Variants in SPATA16 observed in about 807,000 individuals in gnomAD.
SPATA16 encodes spermatogenesis associated 16, also known as spermatogenesis-associated protein 16.
A neutral mutation model predicts 63.3 loss-of-function variants in SPATA16; 36 were observed. The ratio of observed to expected loss-of-function variants is 0.57; its 90% CI spans 0.44 to 0.75. The LOEUF is 0.75. Ranked by LOEUF, SPATA16 falls within the 30% of genes least tolerant of loss-of-function variation. The pLI is 0.00. For missense variants in SPATA16, 646 were observed against 679.3 expected, an observed-to-expected ratio of 0.95 and a Z score of 0.54; for synonymous variants, 203 against 216.7, an observed-to-expected ratio of 0.94 and a Z score of 0.56.
intron 5 of SPATA16, among the ~76,000 whole-genome samples, chr3:172,966,735 C>T (rs938765974): frequency 6.6e-6 from 1 of 152,050 alleles, no homozygotes; most frequent in Non-Finnish European, 1.5e-5. Context: ...AATTGGTGTG[C>T]AATACCACCA....
chr3:172,979,327 C>T (rs1428274875), intron 4 of SPATA16, among the ~76,000 whole-genome samples: 1 of 152,172 alleles, frequency 6.6e-6, no homozygotes, highest in Non-Finnish European at 1.5e-5. Context: ...ATTTTCTCTT[C>T]AAGGGACAAC....
chr3:172,929,459 A>C (rs1560069688), intron 6 of SPATA16, among the ~76,000 whole-genome samples: 1 of 152,168 alleles, frequency 6.6e-6, no homozygotes, highest in Non-Finnish European at 1.5e-5. Context: ...GAAGGCTGAA[A>C]CTGACCACCT....
chr3:172,909,442 T>C (rs1034475976), intron 10 of SPATA16, among the ~76,000 whole-genome samples: 1 of 152,162 alleles, frequency 6.6e-6, no homozygotes, highest in African/African-American at 2.4e-5. Flanking sequence ...TCCTTTCTCT[T>C]AAAATACTCC....
chr3:173,026,159 GCTTTAGTTT>G (rs1413412066), intron 3 of SPATA16, among the ~76,000 whole-genome samples: 1 of 151,716 alleles, frequency 6.6e-6, no homozygotes, highest in Non-Finnish European at 1.5e-5. Context: ...TCTCATTGTG[GCTTTAGTTT>G]GCATTTCCCT....
chr3:172,942,743 T>C (rs1186028885), intron 6 of SPATA16, among the ~76,000 whole-genome samples: 1 of 152,158 alleles, frequency 6.6e-6, no homozygotes, highest in Admixed American at 6.5e-5. Flanking sequence ...GACATTCTTC[T>C]TGAGCACAAA....
chr3:173,065,572 G>A (rs566948133), intron 2 of SPATA16, among the ~76,000 whole-genome samples: 4 of 152,284 alleles, frequency 2.6e-5, no homozygotes, highest in South Asian at 2.1e-4. Flanking sequence ...CAAACACCTG[G>A]TTTGAACACA....
chr3:173,057,945 C>T (rs887411253), intron 2 of SPATA16, among the ~76,000 whole-genome samples: 3 of 152,046 alleles, frequency 2.0e-5, no homozygotes, highest in Non-Finnish European at 4.4e-5. Flanking sequence ...AGAACTAGTT[C>T]TTCATGACAG....
intron 3 of SPATA16, among the ~76,000 whole-genome samples, chr3:173,019,789 A>G (rs1735278778): frequency 6.6e-6 from 1 of 152,180 alleles, no homozygotes; most frequent in Admixed American, 6.5e-5. Flanking sequence ...TTATCAAAGA[A>G]ATTTTATTTA....
At chr3:172,929,973 T>C (rs1430695224) in intron 6 of SPATA16, among the ~76,000 whole-genome samples, 2 of 152,236 alleles carry the variant, frequency 1.3e-5, no homozygotes, top group Non-Finnish European at 2.9e-5. Context: ...CATTGTTGAC[T>C]TTTCTTTCCT....
In SPATA16 at chr3:172,924,221, C is replaced by T; in HGVS notation, c.1325G>A (p.Ser442Asn). 1 of 1,612,190 alleles carries T rather than the reference C, an allele frequency of 6.2e-7. No individual in the cohort carries two copies. The highest frequency in any genetic ancestry group is 8.5e-7 in the Non-Finnish European group (1 of 1,178,668). ...RILPILDFIR[S>N]TQLNGSFPAS... ...TCATATACCTACATTCAATTGGGTGCTTCTAATAAAATCCAATATTGGCAA... is the reference window on the plus strand; with the variant it reads ...TCATATACCTACATTCAATTGGGTGTTTCTAATAAAATCCAATATTGGCAA... The change falls in exon 8 of 11, where the codon AGC (serine) becomes AAC (asparagine). Residue 442 changes from serine (S) to asparagine (N), a missense_variant. Coordinates refer to ENST00000351008, the MANE Select transcript of SPATA16 (RefSeq NM_031955.6).
intron 2 of SPATA16, among the ~76,000 whole-genome samples, chr3:173,105,109 G>A (rs779109694): frequency 6.6e-5 from 10 of 152,274 alleles, no homozygotes; most frequent in African/African-American, 9.6e-5. Flanking sequence ...AACATGAGTC[G>A]TTGAAACTAC....
rs979044509 is a variant in SPATA16, at chr3:173,045,569, GT to G, written c.758+3379del. Among the ~76,000 whole-genome samples, 138 of 152,114 alleles carry G rather than the reference GT, an allele frequency of 9.1e-4. 1 individual carries two copies. The highest frequency in any genetic ancestry group is 3.3e-3 in the African/African-American group (136 of 41,522). The stretch of plus-strand genomic sequence containing the variant: ...GTGAAGTAAGTACTATTATAACCTA[GT>G]TTTTTTGAAAGTTAAATTCAGTCTA... On this transcript the variant is annotated intron_variant, in intron 3 of 10. Coordinates refer to ENST00000351008, the MANE Select transcript of SPATA16 (RefSeq NM_031955.6).
chr3:172,938,279 C>T (rs188145259), intron 6 of SPATA16, among the ~76,000 whole-genome samples: 91 of 152,108 alleles, frequency 6.0e-4, no homozygotes, highest in East Asian at 5.0e-3. Flanking sequence ...GACTTGTCCC[C>T]GTGATTTGGA....
intron 6 of SPATA16, among the ~76,000 whole-genome samples, chr3:172,938,048 G>T (rs536262251): frequency 6.6e-6 from 1 of 152,134 alleles, no homozygotes; most frequent in Non-Finnish European, 1.5e-5. Context: ...TGCAAGCCAC[G>T]TAAGATTGGC....
At chr3:173,008,085 A>T (rs1395684807) in intron 4 of SPATA16, among the ~76,000 whole-genome samples, 2 of 152,180 alleles carry the variant, frequency 1.3e-5, no homozygotes, top group African/African-American at 2.4e-5. Flanking sequence ...AAAACGAAAG[A>T]CATGGAATGG....
chr3:172,925,640 G>A, intron 6 of SPATA16, 148 bp from the exon 7 acceptor site: 3 of 914,170 alleles, frequency 3.3e-6, no homozygotes, highest in Non-Finnish European at 5.1e-6. Context: ...GTATCAAAAG[G>A]TCAAATAGAT....
rs752534449 is a variant in SPATA16 at position 173,117,706 on chromosome 3, A to G, written c.26T>C (p.Leu9Ser). The G allele has an allele frequency of 1.2e-6, 2 of 1,614,120 alleles. No individual in the cohort carries two copies. Among genetic ancestry groups the G allele is most frequent in the Non-Finnish European group, 1.7e-6 (2 of 1,180,000 alleles). MDAGSSRS[L>S]ENAVNRIYHD... The stretch of plus-strand genomic sequence containing the variant: ...ATAGATCCTATTCACTGCATTCTCC[A>G]AACTCCTACTGCTTCCTGCATCCAT... The change falls in exon 2 of 11, where the codon TTG becomes TCG. Residue 9 changes from leucine to serine, a missense_variant. Physicochemically the swap from Leu to Ser is moderately radical, Grantham distance 145. Transcript: ENST00000351008.
intron 2 of SPATA16, among the ~76,000 whole-genome samples, chr3:173,093,254 T>G (rs538877572): frequency 1.3e-5 from 2 of 152,248 alleles, no homozygotes; most frequent in East Asian, 3.9e-4. Context: ...CTTTCTTTGC[T>G]AACAAAATAT....
chr3:172,921,520 G>A (rs1732614650), intron 8 of SPATA16, among the ~76,000 whole-genome samples: 1 of 151,008 alleles, frequency 6.6e-6, no homozygotes, highest in African/African-American at 2.4e-5. Flanking sequence ...CTGAGTGAAG[G>A]GATCTGAGCA....
Sources: allele counts gnomAD v4.1 joint callset (sites outside exome capture counted in the v4.1 genomes callset), GRCh38; gene constraint gnomAD v4.1.1; transcripts MANE v1.5; gene names NCBI Gene and HGNC (gene_info 2026-07-23, HGNC 2026-07-21).